The following DUOX2 variants were observed in gnomAD, a reference collection of about 807,000 sequenced individuals.
The protein encoded by DUOX2 is dual oxidase 2.
In DUOX2, 185 loss-of-function variants were observed where a neutral mutation model predicts 183.3. That is an observed-to-expected ratio of 1.01 (90% confidence interval 0.90 to 1.14). The LOEUF (loss-of-function observed/expected upper bound fraction) is 1.14, where lower values mean the gene tolerates loss of function less well. Ranked by LOEUF, DUOX2 falls within the 50% of genes most tolerant of loss-of-function variation. DUOX2 has a pLI of 0.00. For synonymous variants in DUOX2, 788 were observed against 812.4 expected (o/e 0.97, Z 0.51); for missense variants, 1,999 against 2,022.9 (o/e 0.99, Z 0.23).
rs549559724 is a variant in DUOX2, at chr15:45,095,596, C to T, written c.4081-1G>A. The T allele has an allele frequency of 3.3e-5, 53 of 1,614,202 alleles. No individual in the cohort carries two copies. Among genetic ancestry groups the T allele is most frequent in the Non-Finnish European group, 4.3e-5 (51 of 1,180,032 alleles). On this transcript the variant is annotated splice_acceptor_variant, in intron 30 of 33. Coordinates refer to ENST00000389039, the MANE Select transcript of DUOX2 (RefSeq NM_001363711.2). LOFTEE classifies it high-confidence loss of function. ...CTCCAAACGGTCCATCAAGGTACAG[C>T]TGCCAAGAGAGGGGGGAGATGAAAT...
chr15:45,113,079 G>C lies in DUOX2; in HGVS notation c.71-3C>G. The C allele has an allele frequency of 6.2e-7, 1 of 1,613,580 alleles. No individual in the cohort carries two copies. The highest frequency in any genetic ancestry group is 1.1e-5 in the South Asian group (1 of 91,026). On this transcript the variant is annotated splice_polypyrimidine_tract_variant and splice_region_variant and intron_variant, in intron 2 of 33. Coordinates refer to ENST00000389039, the MANE Select transcript of DUOX2 (RefSeq NM_001363711.2). ...CAGTGAGAGTGCGTCCTGACTGCCT[G>C]TGGGCACAGAGAAGGGCCTCCTCAG...
At chr15:45,101,439 A>G in intron 21 of DUOX2, 165 bp from the exon 22 acceptor site, 1 of 709,568 alleles carries the variant, frequency 1.4e-6, no homozygotes. Context: ...CAGGGCAGAC[A>G]ATGTGGCAAC....
intron 18 of DUOX2, 75 bp downstream of exon 18, chr15:45,105,568 G>T: frequency 6.4e-7 from 1 of 1,573,030 alleles, no homozygotes. Context: ...TTCACCCACA[G>T]GGGCGTTCTA....
At chr15:45,110,549 G>A (rs1057457532) in intron 8 of DUOX2, 25 bp from the exon 9 acceptor site, 8 of 1,613,868 alleles carry the variant, frequency 5.0e-6, no homozygotes, top group Non-Finnish European at 6.8e-6. Context: ...CGGTGATGAT[G>A]GGGAGACAGG....
intron 26 of DUOX2, chr15:45,099,153 G>A (rs1450250860): frequency 2.4e-6 from 1 of 420,488 alleles, no homozygotes; most frequent in East Asian, 5.2e-5. Flanking sequence ...TGGGATTACA[G>A]GCGCCCACCA....
At position 45,108,988 on chromosome 15, in the gene DUOX2, C is replaced by T. The variant is rs1355895075; in HGVS notation, c.1235-36G>A. 4 of 1,612,808 alleles carry T rather than the reference C, an allele frequency of 2.5e-6. No individual in the cohort carries two copies. In the African/African-American group the frequency reaches 4.0e-5, roughly 16 times the overall value. On this transcript the variant is annotated intron_variant, in intron 11 of 33. Transcript: ENST00000389039. ...GAGAAGACTAGACTATGGGCTTTGT[C>T]CTCTCCATCCTTTTTTGCCCTGCAG...
At chr15:45,097,833 C>T in intron 27 of DUOX2, 92 bp from the exon 28 acceptor site, 1 of 1,602,812 alleles carries the variant, frequency 6.2e-7, no homozygotes, top group East Asian at 2.2e-5. Flanking sequence ...TTCCCTCCTT[C>T]CTCTCTCATC....
intron 14 of DUOX2, 140 bp from the exon 15 acceptor site, chr15:45,107,109 A>T: frequency 7.4e-7 from 1 of 1,342,404 alleles, no homozygotes; most frequent in South Asian, 1.3e-5. Context: ...TCCCTCAAAA[A>T]GTCCCCATTC....
intron 3 of DUOX2, 61 bp downstream of exon 3, chr15:45,112,926 C>A: frequency 6.3e-7 from 1 of 1,594,532 alleles, no homozygotes; most frequent in South Asian, 1.1e-5. Flanking sequence ...CGCTCAGGGC[C>A]TTTCGCGCCC....
intron 32 of DUOX2, 115 bp from the exon 33 acceptor site, chr15:45,094,806 G>A: frequency 6.3e-7 from 1 of 1,594,854 alleles, no homozygotes; most frequent in South Asian, 1.1e-5. Context: ...GGAGGCTGAG[G>A]ATCAGGCCAT....
chr15:45,093,924 T>G lies in DUOX2; in HGVS notation c.*226A>C. On this transcript the variant is annotated 3_prime_UTR_variant, in exon 34 of 34. Coordinates refer to ENST00000389039, the MANE Select transcript of DUOX2 (RefSeq NM_001363711.2). ...AGGAATGGTGCCGTTGATAAACAGG[T>G]GGACTTATAATCATCATGCACTGCA... The G allele has an allele frequency of 1.7e-6, 1 of 578,454 alleles. No individual in the cohort carries two copies. The highest frequency in any genetic ancestry group is 3.0e-6 in the Non-Finnish European group (1 of 328,790). The allele number at this position is 578,454 out of a possible 1,614,324, so 35.8% of individuals were successfully genotyped here. A position where few individuals can be genotyped will look rare whatever the true frequency, so the allele number is the denominator to read the frequency against.
chr15:45,108,792 G>C lies in DUOX2; in HGVS notation c.1395C>G (p.Pro465=). The stretch of plus-strand genomic sequence containing the variant: ...TATTATCATTACTATTCCTGACCTG[G>C]GGGTCCACATTAGGGTTGAGATCAC... ...NWSDLNPNVD[P]QVLEATAALY... Residue 465 remains proline, a synonymous_variant, in exon 12 of 34, where the codon CCC becomes CCG. Transcript: ENST00000389039. 2 of 1,614,230 alleles carry C rather than the reference G, an allele frequency of 1.2e-6. No individual in the cohort carries two copies. Among genetic ancestry groups the C allele is most frequent in the Non-Finnish European group, 1.7e-6 (2 of 1,180,034 alleles).
intron 27 of DUOX2, 24 bp from the exon 28 acceptor site, chr15:45,097,765 G>C: frequency 6.2e-7 from 1 of 1,614,196 alleles, no homozygotes; most frequent in South Asian, 1.1e-5. Context: ...GACAGGGCCA[G>C]TGAGTAGTCT....
At position 45,109,967 on chromosome 15, in the gene DUOX2, G is replaced by C; in HGVS notation, c.1054C>G (p.His352Asp). ...PGVYMRNASC[H>D]FRKVLNKGFQ... The stretch of plus-strand genomic sequence containing the variant: ...CCCTTGTTCAGGACCTTCCGGAAAT[G>C]ACAGCTGGCATTTCTGAAATTGAGA... The change falls in exon 10 of 34, where the codon CAT becomes GAT. Residue 352 changes from histidine (H) to aspartate (D), a missense_variant. Coordinates refer to ENST00000389039, the MANE Select transcript of DUOX2 (RefSeq NM_001363711.2). 6.2e-7 allele frequency: 1 copy of C among 1,614,088 alleles called. No homozygotes were observed. Among genetic ancestry groups the C allele is most frequent in the Non-Finnish European group, 8.5e-7 (1 of 1,180,006 alleles).
chr15:45,099,560 G>T, intron 25 of DUOX2, 78 bp from the exon 26 acceptor site: 1 of 1,580,372 alleles, frequency 6.3e-7, no homozygotes, highest in Non-Finnish European at 8.7e-7. Context: ...AGGAGGCATA[G>T]GGAGGAGAGA....
chr15:45,105,456 C>G (rs554927137), intron 18 of DUOX2, among the ~76,000 whole-genome samples, 187 bp downstream of exon 18: 1 of 152,274 alleles, frequency 6.6e-6, no homozygotes, highest in South Asian at 2.1e-4. Flanking sequence ...AGATACAGAA[C>G]AGTGATAATG....
At chr15:45,094,456 A>C (rs1403821273) in intron 33 of DUOX2, 107 bp downstream of exon 33, 1 of 1,533,354 alleles carries the variant, frequency 6.5e-7, no homozygotes, top group Admixed American at 1.9e-5. Flanking sequence ...GGGGCCAGGC[A>C]ATCGGGTGGA....
chr15:45,101,889 GCTC>G lies in DUOX2; in HGVS notation c.2752_2754del (p.Glu918del). ...ATGAAGTGAAAATCCTCCCATGTCA[GCTC>G]CTCCTTGTCCTGGAATCCCGACTCC... On this transcript the variant is annotated inframe_deletion, in exon 21 of 34. Coordinates refer to ENST00000389039, the MANE Select transcript of DUOX2 (RefSeq NM_001363711.2). 1 of 1,614,194 alleles carries G rather than the reference GCTC, an allele frequency of 6.2e-7. No individual in the cohort carries two copies. Among genetic ancestry groups the G allele is most frequent in the South Asian group, 1.1e-5 (1 of 91,084 alleles).
At position 45,114,142 on chromosome 15, in the gene DUOX2, G is replaced by T. The variant is rs969004662; in HGVS notation, c.-184C>A. 4.0e-6 allele frequency: 1 copy of T among 252,238 alleles called. No homozygotes were observed. Among genetic ancestry groups the T allele is most frequent in the Admixed American group, 5.1e-5 (1 of 19,694 alleles). The allele number at this position is 252,238 out of a possible 1,614,324, so 15.6% of individuals were successfully genotyped here. ...GGTCCTTGGTCTCGCCACTGTGCAG[G>T]TGTCGGCTCAGGACAGACCTGCGCC... On this transcript the variant is annotated 5_prime_UTR_variant, in exon 1 of 34. Transcript: ENST00000389039.
Sources: allele counts gnomAD v4.1 joint callset (sites outside exome capture counted in the v4.1 genomes callset), GRCh38; gene constraint gnomAD v4.1.1; transcripts MANE v1.5; gene names NCBI Gene and HGNC (gene_info 2026-07-23, HGNC 2026-07-21).